Variants in SATB2 observed in about 807,000 individuals in gnomAD.
SATB2 encodes the protein DNA-binding protein SATB2.
In SATB2, 1 loss-of-function variant was observed where a neutral mutation model predicts 73.4. The ratio of observed to expected loss-of-function variants is 0.01; its 90% CI spans 0.00 to 0.06. SATB2 has a LOEUF of 0.06. Ranked by LOEUF, SATB2 falls within the 10% of genes least tolerant of loss-of-function variation. The probability of loss-of-function intolerance (pLI) is 1.00; values close to 1 mark genes in which losing one functional copy is unlikely to be tolerated. For synonymous variants in SATB2, 397 were observed against 367.0 expected (o/e 1.08, Z -0.93); for missense variants, 459 against 945.8 (o/e 0.49, Z 6.75).
chr2:199,332,380 G>C (rs951283075), intron 7 of SATB2, among the ~76,000 whole-genome samples: 5 of 152,068 alleles, frequency 3.3e-5, no homozygotes, highest in Non-Finnish European at 7.4e-5. Flanking sequence ...GAAAAAGAAG[G>C]AAGTTGGCCT....
At chr2:199,403,075 C>A (rs918363641) in intron 3 of SATB2, among the ~76,000 whole-genome samples, 2 of 152,180 alleles carry the variant, frequency 1.3e-5, no homozygotes, top group African/African-American at 2.4e-5. Context: ...GCATAGAATG[C>A]AGACTTTTAA....
At chr2:199,286,960 G>A (rs1692707897) in intron 10 of SATB2, among the ~76,000 whole-genome samples, 1 of 152,152 alleles carries the variant, frequency 6.6e-6, no homozygotes, top group African/African-American at 2.4e-5. Context: ...GTAACTAAAT[G>A]AGGAAGATGA....
chr2:199,344,255 AACACAC>A (rs146892920), intron 7 of SATB2, among the ~76,000 whole-genome samples: 4 of 150,484 alleles, frequency 2.7e-5, no homozygotes, highest in Non-Finnish European at 5.9e-5. Context: ...ACACACACAC[AACACAC>A]ACACACACAC....
At position 199,453,395 on chromosome 2, in the gene SATB2, G is replaced by A. The variant is rs534928312; in HGVS notation, c.169+2474C>T. 5.9e-5 allele frequency among the ~76,000 whole-genome samples: 9 copies of A among 151,858 alleles called. No homozygotes were observed. In the South Asian group the frequency reaches 1.5e-3, roughly 25 times the overall value. ...AAAAGACTGCAATATATCTGAAAAC[G>A]GTAATAAATGATACAGAGCTATAAA... On this transcript the variant is annotated intron_variant, in intron 2 of 10. Transcript: ENST00000417098.
At chr2:199,427,845 G>T (rs1441085529) in intron 3 of SATB2, among the ~76,000 whole-genome samples, 1 of 152,040 alleles carries the variant, frequency 6.6e-6, no homozygotes, top group Non-Finnish European at 1.5e-5. Context: ...CTTGAAAGTA[G>T]CCTCTATGTA....
chr2:199,426,614 A>G (rs35286168), intron 3 of SATB2, among the ~76,000 whole-genome samples: 20,872 of 151,142 alleles, frequency 0.14, 1,770 homozygotes, highest in East Asian at 0.45. Flanking sequence ...AACATTTTCA[A>G]TAGGGAAAAT....
At chr2:199,311,320 G>T (rs4675475) in intron 9 of SATB2, among the ~76,000 whole-genome samples, 90,694 of 151,890 alleles carry the variant, frequency 0.6, 31,262 homozygotes, top group Non-Finnish European at 0.77. Flanking sequence ...CCCACAAAGT[G>T]TTTGCTTGGC....
At chr2:199,365,236 G>A (rs1392998530) in intron 6 of SATB2, among the ~76,000 whole-genome samples, 4 of 147,078 alleles carry the variant, frequency 2.7e-5, no homozygotes, top group South Asian at 4.3e-4. Flanking sequence ...CTTATACTTC[G>A]GAGCTTATGA....
At chr2:199,353,440 C>CCA (rs1472602109) in intron 6 of SATB2, among the ~76,000 whole-genome samples, 2 of 152,076 alleles carry the variant, frequency 1.3e-5, no homozygotes, top group African/African-American at 4.8e-5. Flanking sequence ...CAGGCATGAG[C>CCA]CACCATGCCT....
chr2:199,386,692 G>A (rs867375143), intron 3 of SATB2, among the ~76,000 whole-genome samples: 160 of 5,180 alleles, frequency 0.031, no homozygotes, highest in African/African-American at 0.069. Flanking sequence ...ATACACGTGC[G>A]CAAGCGCGCG....
At chr2:199,439,411 T>G (rs147228007) in intron 2 of SATB2, among the ~76,000 whole-genome samples, 1 of 152,326 alleles carries the variant, frequency 6.6e-6, no homozygotes, top group East Asian at 1.9e-4. Context: ...GCCTGCAGCT[T>G]ATCTAGTTCT....
chr2:199,414,421 A>G (rs1189195087), intron 3 of SATB2, among the ~76,000 whole-genome samples: 1 of 151,738 alleles, frequency 6.6e-6, no homozygotes, highest in Admixed American at 6.6e-5. Flanking sequence ...TTCCCCATCC[A>G]CCCCCCACCA....
At chr2:199,311,716 C>T (rs967984041) in intron 9 of SATB2, among the ~76,000 whole-genome samples, 2 of 152,136 alleles carry the variant, frequency 1.3e-5, no homozygotes, top group Admixed American at 6.5e-5. Flanking sequence ...CACTCTGGCT[C>T]GCTTGCTCAT....
intron 2 of SATB2, among the ~76,000 whole-genome samples, chr2:199,434,576 T>A (rs1340876905): frequency 2.0e-5 from 3 of 152,124 alleles, no homozygotes; most frequent in Non-Finnish European, 4.4e-5. Context: ...CAAATTAGTA[T>A]GTTATGGGTC....
At chr2:199,296,576 C>T (rs1687105393) in intron 10 of SATB2, among the ~76,000 whole-genome samples, 1 of 152,046 alleles carries the variant, frequency 6.6e-6, no homozygotes, top group Non-Finnish European at 1.5e-5. Flanking sequence ...CCTGTAGTCC[C>T]AGCTACCTTG....
intron 7 of SATB2, among the ~76,000 whole-genome samples, chr2:199,342,196 C>T (rs978243381): frequency 6.6e-6 from 1 of 152,104 alleles, no homozygotes; most frequent in African/African-American, 2.4e-5. Flanking sequence ...GCATCAAAAA[C>T]AGAGCTGGGA....
At chr2:199,284,790 A>T (rs953919809) in intron 10 of SATB2, among the ~76,000 whole-genome samples, 12 of 152,152 alleles carry the variant, frequency 7.9e-5, no homozygotes, top group African/African-American at 2.9e-4. Context: ...ATTTAGAAAA[A>T]AAAAAGAATG....
intron 3 of SATB2, among the ~76,000 whole-genome samples, chr2:199,424,192 CCTTGA>C (rs1350498890): frequency 1.3e-5 from 2 of 152,214 alleles, no homozygotes; most frequent in African/African-American, 4.8e-5. Flanking sequence ...TGCTCTACAG[CCTTGA>C]CTTAAGACCC....
intron 9 of SATB2, among the ~76,000 whole-genome samples, chr2:199,319,802 T>C (rs185178997): frequency 7.8e-4 from 118 of 151,666 alleles, no homozygotes; most frequent in African/African-American, 2.6e-3. Context: ...TAGCATTCTA[T>C]GAGCTAACCT....
Sources: allele counts gnomAD v4.1 joint callset (sites outside exome capture counted in the v4.1 genomes callset), GRCh38; gene constraint gnomAD v4.1.1; transcripts MANE v1.5; gene names NCBI Gene and HGNC (gene_info 2026-07-23, HGNC 2026-07-21).